GNAT3: variants seen among roughly 807,000 people sequenced by gnomAD.
The protein encoded by GNAT3 is G protein subunit alpha transducin 3.
A neutral mutation model predicts 37.7 loss-of-function variants in GNAT3; 31 were observed. That is an observed-to-expected ratio of 0.82 (90% CI 0.62 to 1.11). The LOEUF is 1.11. GNAT3 is among the 50% of genes most tolerant of loss of function. The pLI is 0.00. For synonymous variants in GNAT3, 138 were observed against 139.8 expected (o/e 0.99, Z 0.09); for missense variants, 437 against 412.5 (o/e 1.06, Z -0.51).
At chr7:80,479,959 A>G (rs1790366455) in intron 3 of GNAT3, among the ~76,000 whole-genome samples, 1 of 152,072 alleles carries the variant, frequency 6.6e-6, no homozygotes, top group African/African-American at 2.4e-5. Context: ...CAAAGCAAGG[A>G]ATTATTGTCT....
intron 5 of GNAT3, among the ~76,000 whole-genome samples, chr7:80,473,724 C>T (rs1389305247): frequency 1.3e-5 from 2 of 152,012 alleles, no homozygotes; most frequent in African/African-American, 2.4e-5. Context: ...GATAATATAA[C>T]CGCAATGAAA....
intron 3 of GNAT3, 54 bp from the exon 4 acceptor site, chr7:80,479,052 T>A: frequency 8.4e-7 from 1 of 1,196,748 alleles, no homozygotes. Flanking sequence ...TCACATATTC[T>A]ATTTTCTAAT....
rs564849402 is a variant in GNAT3, at chr7:80,471,607, C to T, written c.590+2644G>A. Among the ~76,000 whole-genome samples, 12 of 152,140 alleles carry T rather than the reference C, an allele frequency of 7.9e-5. No homozygotes were observed. The East Asian group carries it at 1.7e-3, about 22-fold the overall frequency. On this transcript the variant is annotated intron_variant, in intron 5 of 7. Coordinates refer to ENST00000398291, the MANE Select transcript of GNAT3 (RefSeq NM_001102386.3). ...AAGGCTGTCATTTTATCCTCCCTCC[C>T]GCCTTCTCTCTGAAAGAGATTATAA... is the stretch of plus-strand genomic sequence containing the variant.
At chr7:80,485,803 A>G (rs1437271335) in intron 3 of GNAT3, among the ~76,000 whole-genome samples, 1 of 152,204 alleles carries the variant, frequency 6.6e-6, no homozygotes, top group Non-Finnish European at 1.5e-5. Flanking sequence ...AATACTCTGT[A>G]TATAGTGGAT....
chr7:80,471,289 GATTCAA>G (rs1288988097), intron 5 of GNAT3, among the ~76,000 whole-genome samples: 14 of 151,280 alleles, frequency 9.3e-5, no homozygotes, highest in African/African-American at 3.4e-4. Context: ...CCAGCCCACT[GATTCAA>G]ATGTTAATCT....
intron 4 of GNAT3, among the ~76,000 whole-genome samples, chr7:80,477,423 A>G (rs1017872132): frequency 6.6e-6 from 1 of 152,184 alleles, no homozygotes; most frequent in Non-Finnish European, 1.5e-5. Flanking sequence ...GTGCTGAGAC[A>G]CTTATGAAAA....
chr7:80,485,046 G>A (rs1419247368), intron 3 of GNAT3, among the ~76,000 whole-genome samples: 1 of 151,904 alleles, frequency 6.6e-6, no homozygotes, highest in Non-Finnish European at 1.5e-5. Flanking sequence ...CTTTCAATGT[G>A]GATAATTCCC....
Position 80,512,017 on chromosome 7 carries a change from G to T in GNAT3, c.-91C>A. The T allele has an allele frequency of 1.2e-6, 1 of 826,612 alleles. No homozygotes were observed. The highest frequency in any genetic ancestry group is 1.5e-5 in the South Asian group (1 of 67,708). 51.2% of individuals were successfully genotyped at this position (826,612 alleles called of 1,614,324 possible). The stretch of plus-strand genomic sequence containing the variant: ...TTTGGACATAGGAGGCAAGAGTAAT[G>T]CTCTGCTGAAGTACCTAGCAGTCCA... On this transcript the variant is annotated 5_prime_UTR_variant, in exon 1 of 8. Coordinates refer to ENST00000398291, the MANE Select transcript of GNAT3 (RefSeq NM_001102386.3).
chr7:80,483,956 G>A (rs555447202), intron 3 of GNAT3, among the ~76,000 whole-genome samples: 2 of 152,000 alleles, frequency 1.3e-5, no homozygotes, highest in Non-Finnish European at 2.9e-5. Flanking sequence ...TCTCTTTAAA[G>A]AATATTTATT....
chr7:80,497,593 CGT>C (rs1790748241), intron 1 of GNAT3, among the ~76,000 whole-genome samples: 1 of 131,720 alleles, frequency 7.6e-6, no homozygotes, highest in Middle Eastern at 3.5e-3. Flanking sequence ...TATACATATA[CGT>C]ATATACATAT....
intron 3 of GNAT3, among the ~76,000 whole-genome samples, chr7:80,484,367 A>G (rs1394929267): frequency 6.6e-6 from 1 of 152,130 alleles, no homozygotes; most frequent in African/African-American, 2.4e-5. Flanking sequence ...TTGAGTAGTA[A>G]TATTGGTTGA....
chr7:80,479,904 T>C (rs1191779564), intron 3 of GNAT3, among the ~76,000 whole-genome samples: 1 of 152,082 alleles, frequency 6.6e-6, no homozygotes, highest in Non-Finnish European at 1.5e-5. Flanking sequence ...TGATTGCATA[T>C]GCCTTTGGAA....
chr7:80,476,817 CT>C (rs999470076), intron 4 of GNAT3, among the ~76,000 whole-genome samples: 5 of 151,736 alleles, frequency 3.3e-5, no homozygotes, highest in Non-Finnish European at 5.9e-5. Flanking sequence ...ATTCAACTAC[CT>C]TTCTCAGCAA....
intron 2 of GNAT3, among the ~76,000 whole-genome samples, chr7:80,493,755 TCTTTCCTCCTCCACCTCTTTCCTCCTCCA>T (rs1790653021): frequency 2.6e-5 from 3 of 114,402 alleles, no homozygotes; most frequent in African/African-American, 6.1e-5. Context: ...CTCCTCCACC[TCTTTCCTCCTCCACCTCTTTCCTCCTCCA>T]CCTCTTTCCT....
At chr7:80,498,000 T>A (rs1790766173) in intron 1 of GNAT3, among the ~76,000 whole-genome samples, 1 of 152,112 alleles carries the variant, frequency 6.6e-6, no homozygotes, top group African/African-American at 2.4e-5. Context: ...ATATGTATTA[T>A]AGAGAAATAT....
intron 1 of GNAT3, among the ~76,000 whole-genome samples, chr7:80,498,576 G>A (rs1790776263): frequency 1.3e-5 from 2 of 152,148 alleles, no homozygotes; most frequent in South Asian, 2.1e-4. Context: ...AAATTATTGA[G>A]CCCCATTCTC....
intron 1 of GNAT3, among the ~76,000 whole-genome samples, chr7:80,505,882 T>C (rs1790930571): frequency 6.6e-6 from 1 of 152,164 alleles, no homozygotes; most frequent in Non-Finnish European, 1.5e-5. Context: ...CATTGATATA[T>C]TTGCACACCA....
At chr7:80,501,141 A>G (rs1790825434) in intron 1 of GNAT3, among the ~76,000 whole-genome samples, 1 of 152,100 alleles carries the variant, frequency 6.6e-6, no homozygotes, top group African/African-American at 2.4e-5. Context: ...AAATTTGCAG[A>G]TAAATTTGTA....
intron 5 of GNAT3, among the ~76,000 whole-genome samples, chr7:80,471,604 T>G (rs1025241405): frequency 1.3e-5 from 2 of 151,954 alleles, no homozygotes; most frequent in Non-Finnish European, 2.9e-5. Context: ...TTATCCTCCC[T>G]CCCGCCTTCT....
Sources: gnomAD v4.1 joint callset for allele counts (sites outside exome capture counted in the v4.1 genomes callset) on GRCh38, gnomAD v4.1.1 for gene constraint, MANE v1.5 for transcripts, NCBI Gene and HGNC (gene_info 2026-07-23, HGNC 2026-07-21) for gene names.